TBKBP1: variants seen among roughly 807,000 people sequenced by gnomAD.
TBKBP1 encodes TBK1 binding protein 1, also known as TANK-binding kinase 1-binding protein 1.
A neutral mutation model predicts 69.9 loss-of-function variants in TBKBP1; 47 were observed. The observed-to-expected ratio is 0.67, with a 90% CI of 0.53 to 0.86. TBKBP1 has a LOEUF of 0.86. TBKBP1 is among the 40% of genes least tolerant of loss of function. TBKBP1 has a pLI of 0.00. For missense variants in TBKBP1, 831 were observed against 858.6 expected (o/e 0.97, Z 0.40); for synonymous variants, 418 against 390.3 (o/e 1.07, Z -0.84).
At chr17:47,700,289 CTTTTTTTTTTTTT>C (rs774797034) in intron 7 of TBKBP1, among the ~76,000 whole-genome samples, 10 of 41,476 alleles carry the variant, frequency 2.4e-4, no homozygotes, top group African/African-American at 1.1e-3. Context: ...GCGCCCGGAC[CTTTTTTTTTTTTT>C]TTTTTTTTTT....
At position 47,696,944 on chromosome 17, in the gene TBKBP1, G is replaced by T. The variant is rs1305946273; in HGVS notation, c.348+111G>T. 4 of 1,533,038 alleles carry T rather than the reference G, an allele frequency of 2.6e-6. No individual in the cohort carries two copies. In the African/African-American group the frequency reaches 4.1e-5, roughly 16 times the overall value. The allele number at this position is 1,533,038 out of a possible 1,614,324, so 95.0% of individuals were successfully genotyped here. A position where few individuals can be genotyped will look rare whatever the true frequency, so the allele number is the denominator to read the frequency against. On this transcript the variant is annotated intron_variant, in intron 3 of 9. Coordinates refer to ENST00000578982, the MANE Select transcript of TBKBP1 (RefSeq NM_001394755.1). ...GGCCTCTGCCCTTTGATTAGAGATG[G>T]CCAGGTCCTCCCTAAGCCCAGCTGC...
At chr17:47,704,899 A>G (rs377603391) in intron 7 of TBKBP1, among the ~76,000 whole-genome samples, 15 of 152,326 alleles carry the variant, frequency 9.8e-5, no homozygotes, top group South Asian at 8.3e-4. Flanking sequence ...CCTTCCTGCC[A>G]GCTCTGCCAT....
In TBKBP1 at chr17:47,698,624, G is replaced by A; in HGVS notation, c.483G>A (p.Gln161=). 1 of 1,599,754 alleles carries A rather than the reference G, an allele frequency of 6.3e-7. No homozygotes were observed. The highest frequency in any genetic ancestry group is 8.5e-7 in the Non-Finnish European group (1 of 1,173,352). Residue 161 remains glutamine (Q), a synonymous_variant, in exon 5 of 10, where the codon CAG becomes CAA. Coordinates refer to ENST00000578982, the MANE Select transcript of TBKBP1 (RefSeq NM_001394755.1). ...CCCTGGTGGAGACGCACCTGCGTCAGATCTGTGGTTTGGAGCAGCAGCTGC... is the reference window on the plus strand; with the variant it reads ...CCCTGGTGGAGACGCACCTGCGTCAAATCTGTGGTTTGGAGCAGCAGCTGC... The part of the protein sequence containing the change: ...MRALVETHLR[Q]ICGLEQQLRQ...
At chr17:47,706,865 ACACACG>A (rs890542863) in intron 7 of TBKBP1, among the ~76,000 whole-genome samples, 8 of 151,174 alleles carry the variant, frequency 5.3e-5, no homozygotes, top group South Asian at 2.1e-4. Context: ...ACACACACAC[ACACACG>A]CACACACCCC....
intron 7 of TBKBP1, among the ~76,000 whole-genome samples, 155 bp downstream of exon 7, chr17:47,699,852 C>T (rs1266268287): frequency 8.2e-5 from 12 of 146,706 alleles, no homozygotes; most frequent in Admixed American, 4.8e-4. Flanking sequence ...GATGGAGTTT[C>T]GCTCTTGTTG....
intron 3 of TBKBP1, 111 bp from the exon 4 acceptor site, chr17:47,696,978 C>T: frequency 6.6e-7 from 1 of 1,508,772 alleles, no homozygotes; most frequent in Non-Finnish European, 8.9e-7. Flanking sequence ...GCAGCTCCTC[C>T]TGCCCCTCCA....
Position 47,709,011 on chromosome 17 carries a change from C to T in TBKBP1, c.1278C>T (p.Pro426=). The T allele has an allele frequency of 8.5e-7, 1 of 1,175,352 alleles. No individual in the cohort carries two copies. The highest frequency in any genetic ancestry group is 2.7e-5 in the South Asian group (1 of 37,318). The allele number at this position is 1,175,352 out of a possible 1,614,324, so 72.8% of individuals were successfully genotyped here. A position where few individuals can be genotyped will look rare whatever the true frequency, so the allele number is the denominator to read the frequency against. Residue 426 remains proline, a synonymous_variant, in exon 9 of 10, where the codon CCC becomes CCT. Coordinates refer to ENST00000578982, the MANE Select transcript of TBKBP1 (RefSeq NM_001394755.1). ...PVPPSCPAPQ[P]RPPPPPPPGE... is the part of the protein sequence containing the mutation. Reference sequence around the variant, plus strand: ...CCCCCAGCTGCCCGGCCCCGCAGCCCCGGCCACCGCCGCCGCCCCCGCCGG... The same window carrying T: ...CCCCCAGCTGCCCGGCCCCGCAGCCTCGGCCACCGCCGCCGCCCCCGCCGG...
In TBKBP1 at chr17:47,699,402, G is replaced by A. The variant is rs368718468; in HGVS notation, c.717G>A (p.Glu239=). 25 of 1,565,332 alleles carry A rather than the reference G, an allele frequency of 1.6e-5. No individual in the cohort carries two copies. In the African/African-American group the frequency reaches 3.3e-4, roughly 21 times the overall value. The part of the protein sequence containing the change: ...LEEALEAAQG[E]ARGAQLREEQ... The stretch of plus-strand genomic sequence containing the variant: ...AGGCTTTGGAGGCCGCGCAGGGAGA[G>A]GCCCGGGGGGCTCAGCTCCGGGAGG... Residue 239 remains glutamate, a synonymous_variant, in exon 6 of 10, where the codon GAG becomes GAA. Transcript: ENST00000578982.
At chr17:47,706,434 T>A (rs557730145) in intron 7 of TBKBP1, among the ~76,000 whole-genome samples, 1 of 152,052 alleles carries the variant, frequency 6.6e-6, no homozygotes, top group Non-Finnish European at 1.5e-5. Context: ...CACAGACCCA[T>A]GAGCTGAGGA....
Sources: allele counts gnomAD v4.1 joint callset (sites outside exome capture counted in the v4.1 genomes callset), GRCh38; gene constraint gnomAD v4.1.1; transcripts MANE v1.5; gene names NCBI Gene and HGNC (gene_info 2026-07-23, HGNC 2026-07-21).